Variants in ALMS1 observed in about 807,000 individuals in gnomAD.
ALMS1 encodes the protein ALMS1 centrosome and basal body associated protein, also known as centrosome-associated protein ALMS1.
Under a neutral mutation model 352.2 loss-of-function variants are expected in ALMS1, and 271 were observed. The observed-to-expected ratio is 0.77, with a 90% CI of 0.70 to 0.85. The LOEUF is 0.85. ALMS1 is among the 40% of genes least tolerant of loss of function. The pLI is 0.00. For missense variants in ALMS1, 5,445 were observed against 4,870.7 expected (o/e 1.12, Z -3.51); for synonymous variants, 1,865 against 1,761.2 (o/e 1.06, Z -1.48).
chr2:73,409,269 T>A (rs1349884884), intron 2 of ALMS1, among the ~76,000 whole-genome samples: 2 of 152,078 alleles, frequency 1.3e-5, no homozygotes, highest in Non-Finnish European at 2.9e-5. Context: ...GGACTCTTAT[T>A]TTTATTTTTA....
chr2:73,586,366 G>T (rs1001780677), intron 16 of ALMS1, among the ~76,000 whole-genome samples: 5 of 152,170 alleles, frequency 3.3e-5, no homozygotes, highest in Admixed American at 2.0e-4. Flanking sequence ...TTACAGAATT[G>T]TTATGGTTTC....
chr2:73,482,753 A>G (rs1672739600), intron 9 of ALMS1, among the ~76,000 whole-genome samples: 1 of 151,970 alleles, frequency 6.6e-6, no homozygotes, highest in African/African-American at 2.4e-5. Context: ...CCACAATTTC[A>G]GATCCTGTTA....
At chr2:73,429,115 C>T (rs1475329032) in intron 6 of ALMS1, among the ~76,000 whole-genome samples, 1 of 152,044 alleles carries the variant, frequency 6.6e-6, no homozygotes, top group African/African-American at 2.4e-5. Flanking sequence ...ATACATCGTA[C>T]TATTAAATGG....
Position 73,449,805 on chromosome 2 carries a change from C to T in ALMS1, c.3278C>T (p.Pro1093Leu), listed in dbSNP as rs766187468. The change falls in exon 8 of 23, where the codon CCG (proline) becomes CTG (leucine). Residue 1093 changes from proline to leucine, a missense_variant. Coordinates refer to ENST00000613296, the MANE Select transcript of ALMS1 (RefSeq NM_001378454.1). ...ADQMTDTPAV[P>L]STFYSQREKP... ...CAGATGACTGACACACCAGCAGTAC[C>T]GTCTACTTTCTACTCACAAAGAGAG... The T allele has an allele frequency of 5.3e-5, 86 of 1,613,920 alleles. No individual in the cohort carries two copies. In the Admixed American group the frequency reaches 8.8e-4, roughly 17 times the overall value.
At chr2:73,462,398 G>A (rs1396114938) in intron 9 of ALMS1, among the ~76,000 whole-genome samples, 2 of 152,120 alleles carry the variant, frequency 1.3e-5, no homozygotes, top group Non-Finnish European at 1.5e-5. Flanking sequence ...TTACAGACAA[G>A]CAAATGCTGA....
intron 9 of ALMS1, among the ~76,000 whole-genome samples, chr2:73,488,584 T>A (rs1452164103): frequency 6.6e-6 from 1 of 152,176 alleles, no homozygotes; most frequent in East Asian, 1.9e-4. Flanking sequence ...TTCTGCCTGT[T>A]CCTGGCTCCC....
chr2:73,451,777 G>A lies in ALMS1; in HGVS notation c.5250G>A (p.Gly1750=). The A allele has an allele frequency of 6.2e-7, 1 of 1,613,822 alleles. No individual in the cohort carries two copies. Among genetic ancestry groups the A allele is most frequent in the Non-Finnish European group, 8.5e-7 (1 of 1,179,932 alleles). ...CTCAACCAGCTGACCAGAAGACTGG[G>A]TTATCTACTGTAACTTCCTCTTTCT... is the stretch of plus-strand genomic sequence containing the variant. ...AVPQPADQKT[G]LSTVTSSFYS... is the part of the protein sequence containing the mutation. Residue 1750 remains glycine, a synonymous_variant, in exon 8 of 23, where the codon GGG becomes GGA. Coordinates refer to ENST00000613296, the MANE Select transcript of ALMS1 (RefSeq NM_001378454.1).
intron 10 of ALMS1, among the ~76,000 whole-genome samples, chr2:73,495,515 C>T (rs938403652): frequency 5.9e-5 from 9 of 152,066 alleles, no homozygotes; most frequent in African/African-American, 2.2e-4. Flanking sequence ...TGATTACAGA[C>T]GTGAGCCACC....
chr2:73,467,371 A>G (rs1672378536), intron 9 of ALMS1, among the ~76,000 whole-genome samples: 1 of 152,140 alleles, frequency 6.6e-6, no homozygotes, highest in Non-Finnish European at 1.5e-5. Context: ...CATTGTCAAT[A>G]TCACTGCCTG....
intron 13 of ALMS1, among the ~76,000 whole-genome samples, chr2:73,554,231 CAAAA>C (rs772330546): frequency 1.1e-5 from 1 of 91,384 alleles, no homozygotes; most frequent in Non-Finnish European, 2.6e-5. Flanking sequence ...AATTCCAGGA[CAAAA>C]AAAAAAAAAT....
chr2:73,428,091 A>G (rs1671416454), intron 6 of ALMS1, among the ~76,000 whole-genome samples: 1 of 152,194 alleles, frequency 6.6e-6, no homozygotes, highest in Non-Finnish European at 1.5e-5. Flanking sequence ...AGTATTCCAA[A>G]CTAGGCATTT....
intron 16 of ALMS1, among the ~76,000 whole-genome samples, chr2:73,583,780 A>G (rs761437506): frequency 6.6e-6 from 1 of 152,228 alleles, no homozygotes; most frequent in Non-Finnish European, 1.5e-5. Context: ...GTCAAAAATC[A>G]TTTGAACATA....
chr2:73,608,217 C>A (rs1458560933), intron 21 of ALMS1, among the ~76,000 whole-genome samples: 1 of 151,610 alleles, frequency 6.6e-6, no homozygotes, highest in Non-Finnish European at 1.5e-5. Context: ...TCACTCCTTT[C>A]CCCCCTTTAT....
chr2:73,478,385 T>C (rs547829588), intron 9 of ALMS1, among the ~76,000 whole-genome samples: 1 of 152,264 alleles, frequency 6.6e-6, no homozygotes, highest in South Asian at 2.1e-4. Context: ...GAGCATGAAG[T>C]GTTAAAAAAT....
Position 73,490,694 on chromosome 2 carries a change from A to G in ALMS1, c.8735A>G (p.Asp2912Gly). The change falls in exon 10 of 23, where the codon GAT becomes GGT. Residue 2912 changes from aspartate to glycine, a missense_variant. Coordinates refer to ENST00000613296, the MANE Select transcript of ALMS1 (RefSeq NM_001378454.1). ...CATTCTCCCTCTCCTCAACATCAGGATTATGTAGCTCCAGACCTTCCTTCT... is the reference window on the plus strand; with the variant it reads ...CATTCTCCCTCTCCTCAACATCAGGGTTATGTAGCTCCAGACCTTCCTTCT... ...KHHSPSPQHQ[D>G]YVAPDLPSCI... The G allele has an allele frequency of 6.2e-7, 1 of 1,614,126 alleles. No homozygotes were observed. The highest frequency in any genetic ancestry group is 8.5e-7 in the Non-Finnish European group (1 of 1,180,008).
chr2:73,583,473 C>CAAAA (rs1675233771), intron 16 of ALMS1, among the ~76,000 whole-genome samples: 1 of 152,066 alleles, frequency 6.6e-6, no homozygotes, highest in Non-Finnish European at 1.5e-5. Flanking sequence ...TTGATTGTGT[C>CAAAA]CCCTGATGTA....
chr2:73,539,484 G>A (rs1219181065), intron 12 of ALMS1, among the ~76,000 whole-genome samples: 1 of 152,172 alleles, frequency 6.6e-6, no homozygotes, highest in African/African-American at 2.4e-5. Context: ...TCCTCCAAAG[G>A]AACGTAGCTC....
intron 16 of ALMS1, among the ~76,000 whole-genome samples, chr2:73,593,319 T>C (rs970769420): frequency 6.6e-6 from 1 of 152,188 alleles, no homozygotes; most frequent in Non-Finnish European, 1.5e-5. Context: ...GGCACGGTTC[T>C]GACAGTTTGT....
At chr2:73,426,082 G>A (rs550527155) in intron 5 of ALMS1, among the ~76,000 whole-genome samples, 5 of 152,326 alleles carry the variant, frequency 3.3e-5, no homozygotes, top group African/African-American at 1.2e-4. Flanking sequence ...AGAGAAGGTA[G>A]GATCTTCAGA....
Sources: allele counts gnomAD v4.1 joint callset (sites outside exome capture counted in the v4.1 genomes callset), GRCh38; gene constraint gnomAD v4.1.1; transcripts MANE v1.5; gene names NCBI Gene and HGNC (gene_info 2026-07-23, HGNC 2026-07-21).